Variants in PPP4R3B observed in about 807,000 individuals in gnomAD.
The protein encoded by PPP4R3B is protein phosphatase 4 regulatory subunit 3B.
In PPP4R3B, 52 loss-of-function variants were observed where a neutral mutation model predicts 95.4. The observed-to-expected ratio is 0.54, with a 90% CI of 0.44 to 0.69. The LOEUF is 0.69. Among genes scored for constraint, PPP4R3B ranks in the 30% least tolerant of loss-of-function variants. The pLI is 0.00. For synonymous variants in PPP4R3B, 407 were observed against 343.9 expected (o/e 1.18, Z -2.03); for missense variants, 1,003 against 1,005.9 (o/e 1.00, Z 0.04).
intron 15 of PPP4R3B, among the ~76,000 whole-genome samples, chr2:55,560,613 C>T (rs1487403790): frequency 6.6e-6 from 1 of 151,602 alleles, no homozygotes; most frequent in Non-Finnish European, 1.5e-5. Flanking sequence ...CCTGTCTCTA[C>T]TAAAAATACA....
chr2:55,598,901 C>T lies in PPP4R3B; in HGVS notation c.436G>A (p.Ala146Thr), dbSNP rs2103667235. The T allele has an allele frequency of 6.2e-7, 1 of 1,614,158 alleles. No individual in the cohort carries two copies. The highest frequency in any genetic ancestry group is 2.2e-5 in the East Asian group (1 of 44,884). Reference protein sequence around the residue: ...TCELNKLEEIADLVTSVLSSP... With the variant: ...TCELNKLEEITDLVTSVLSSP... ...GAGAGCACTGAGGTAACTAAGTCAG[C>T]AATCTCTTCAAGTTTATTGAGTTCA... The change falls in exon 4 of 17, where the codon GCT (alanine) becomes ACT (threonine). Residue 146 changes from alanine to threonine, a missense_variant. This residue lies in a region of PPP4R3B where 695 missense variants were observed against 686.2 expected (regional missense o/e 1.01). Transcript: ENST00000616407.
intron 3 of PPP4R3B, 113 bp downstream of exon 3, chr2:55,603,865 G>A (rs1693013521): frequency 3.4e-6 from 2 of 584,480 alleles, no homozygotes; most frequent in South Asian, 3.7e-5. Flanking sequence ...AGATTATCAA[G>A]TCTCACATTA....
At chr2:55,586,007 A>C (rs1398697570) in intron 6 of PPP4R3B, among the ~76,000 whole-genome samples, 1 of 152,176 alleles carries the variant, frequency 6.6e-6, no homozygotes, top group Non-Finnish European at 1.5e-5. Flanking sequence ...CCTTCTATAA[A>C]GCAAGGTACT....
intron 2 of PPP4R3B, chr2:55,614,448 C>T (rs1253981919): frequency 1.3e-5 from 2 of 152,040 alleles, no homozygotes; most frequent in African/African-American, 2.4e-5. Context: ...TTAACATGAA[C>T]GAATATTCAA....
intron 7 of PPP4R3B, among the ~76,000 whole-genome samples, chr2:55,583,106 T>G (rs1358233238): frequency 6.6e-6 from 1 of 152,178 alleles, no homozygotes; most frequent in Non-Finnish European, 1.5e-5. Flanking sequence ...AATGTTTGAA[T>G]GCTGAGCATT....
intron 2 of PPP4R3B, among the ~76,000 whole-genome samples, chr2:55,605,497 A>G (rs938203011): frequency 6.6e-6 from 1 of 152,202 alleles, no homozygotes; most frequent in African/African-American, 2.4e-5. Flanking sequence ...TTTTCTGTGT[A>G]ATCAGGTAAA....
In PPP4R3B at chr2:55,568,281, C is replaced by T. The variant is rs1687556252; in HGVS notation, c.1848G>A (p.Glu616=). 3 of 1,610,702 alleles carry T rather than the reference C, an allele frequency of 1.9e-6. No individual in the cohort carries two copies. Among genetic ancestry groups the T allele is most frequent in the Non-Finnish European group, 2.5e-6 (3 of 1,178,366 alleles). Residue 616 remains glutamate, a synonymous_variant, in exon 13 of 17, where the codon GAG becomes GAA. Coordinates refer to ENST00000616407, the MANE Select transcript of PPP4R3B (RefSeq NM_001122964.3). The part of the protein sequence containing the change: ...NRYITKGNLF[E]PVINALLDNG... ...TATCCAGAAGTGCATTTATAACTGG[C>T]TCAAAAAGATTTCCCTTGGTGATGT... is the stretch of plus-strand genomic sequence containing the variant.
chr2:55,572,782 G>C (rs1688174129), intron 12 of PPP4R3B, among the ~76,000 whole-genome samples: 1 of 152,180 alleles, frequency 6.6e-6, no homozygotes, highest in Non-Finnish European at 1.5e-5. Context: ...GAGATGTGGA[G>C]TGGCAAGAAA....
chr2:55,585,389 G>A (rs953824913), intron 6 of PPP4R3B, among the ~76,000 whole-genome samples: 1 of 152,024 alleles, frequency 6.6e-6, no homozygotes, highest in African/African-American at 2.4e-5. Context: ...TTTTACCACT[G>A]CAAATAAATA....
intron 9 of PPP4R3B, 92 bp from the exon 10 acceptor site, chr2:55,578,434 G>C (rs569302740): frequency 1.9e-5 from 22 of 1,139,374 alleles, no homozygotes; most frequent in Non-Finnish European, 2.3e-5. Context: ...TCTGTAAGCT[G>C]GAAGTGTTTT....
At chr2:55,586,495 TAATTC>T in intron 6 of PPP4R3B, 118 bp downstream of exon 6, 1 of 550,940 alleles carries the variant, frequency 1.8e-6, no homozygotes, top group Non-Finnish European at 3.1e-6. Flanking sequence ...GATATTCTTG[TAATTC>T]AATTAAGATA....
At chr2:55,581,175 C>G (rs550346111) in intron 8 of PPP4R3B, among the ~76,000 whole-genome samples, 1 of 152,124 alleles carries the variant, frequency 6.6e-6, no homozygotes, top group Non-Finnish European at 1.5e-5. Context: ...ATCGCTTGAA[C>G]CCGAGAGGCG....
chr2:55,564,494 T>C lies in PPP4R3B; in HGVS notation c.2079A>G (p.Val693=), dbSNP rs1247249253. 1.3e-6 allele frequency: 2 copies of C among 1,595,004 alleles called. No homozygotes were observed. Among genetic ancestry groups the C allele is most frequent in the African/African-American group, 2.7e-5 (2 of 73,756 alleles). Residue 693 remains valine, a synonymous_variant, in exon 15 of 17, where the codon GTA becomes GTG. Transcript: ENST00000616407. Reference sequence around the variant, plus strand: ...ATCTGTTACTACGCAATATAGATGGTACACTGTAAGAAATATATCACAAAT... The same window carrying C: ...ATCTGTTACTACGCAATATAGATGGCACACTGTAAGAAATATATCACAAAT... ...KDRQNQKLNS[V]PSILRSNRFR...
At chr2:55,601,240 G>C (rs1321309547) in intron 3 of PPP4R3B, among the ~76,000 whole-genome samples, 1 of 151,806 alleles carries the variant, frequency 6.6e-6, no homozygotes, top group African/African-American at 2.4e-5. Context: ...GCCTGGAAGG[G>C]TTAAGCAATA....
In PPP4R3B at chr2:55,598,472, A is replaced by G. The variant is rs1287147999; in HGVS notation, c.865T>C (p.Ser289Pro). 3 of 1,614,178 alleles carry G rather than the reference A, an allele frequency of 1.9e-6. No homozygotes were observed. The highest frequency in any genetic ancestry group is 1.1e-5 in the South Asian group (1 of 91,078). ...AAGAAAATAAAAGACGTAAGAGTAG[A>G]AAGAAAATTCTCTTCAAAAACAGAT... ...TPSVFEENFL[S>P]TLTSFIFFNK... The change falls in exon 4 of 17, where the codon TCT (serine) becomes CCT (proline). Residue 289 changes from serine to proline, a missense_variant. This residue lies in a region of PPP4R3B where 695 missense variants were observed against 686.2 expected (regional missense o/e 1.01). Coordinates refer to ENST00000616407, the MANE Select transcript of PPP4R3B (RefSeq NM_001122964.3).
chr2:55,616,979 T>G (rs1267786890), intron 1 of PPP4R3B, among the ~76,000 whole-genome samples, 165 bp downstream of exon 1: 1 of 152,074 alleles, frequency 6.6e-6, no homozygotes, highest in East Asian at 1.9e-4. Flanking sequence ...CGAGGATAAG[T>G]CCAGTCAAAA....
chr2:55,549,120 T>C lies in PPP4R3B; in HGVS notation c.*791A>G, dbSNP rs1183739816. 2.0e-5 allele frequency: 3 copies of C among 152,396 alleles called. No homozygotes were observed. The highest frequency in any genetic ancestry group is 1.9e-4 in the East Asian group (1 of 5,184). The allele number at this position is 152,396 out of a possible 1,614,324, so 9.4% of individuals were successfully genotyped here. A position where few individuals can be genotyped will look rare whatever the true frequency, so the allele number is the denominator to read the frequency against. On this transcript the variant is annotated 3_prime_UTR_variant, in exon 17 of 17. Transcript: ENST00000616407. Reference sequence around the variant, plus strand: ...ATTTCAAAGTATCTTCCACAAAAGATTGTACTGGTAGGCGGTTGACAACAT... The same window carrying C: ...ATTTCAAAGTATCTTCCACAAAAGACTGTACTGGTAGGCGGTTGACAACAT...
rs554886680 is a variant in PPP4R3B, at chr2:55,592,033, T to TA, written c.922-3078dup. ...TGTGTGGCTGCTTTTCTGGACAACATAAAAAAACACTGTGGGGAAAAAAAG... is the reference window on the plus strand; with the variant it reads ...TGTGTGGCTGCTTTTCTGGACAACATAAAAAAAACACTGTGGGGAAAAAAAG... On this transcript the variant is annotated intron_variant, in intron 4 of 16. Transcript: ENST00000616407. Among the ~76,000 whole-genome samples, 170 of 152,064 alleles carry TA rather than the reference T, an allele frequency of 1.1e-3. 1 individual carries two copies. Among genetic ancestry groups the TA allele is most frequent in the African/African-American group, 4.0e-3 (164 of 41,490 alleles).
At position 55,581,669 on chromosome 2, in the gene PPP4R3B, T is replaced by C; in HGVS notation, c.1263A>G (p.Glu421=). 1 of 1,613,192 alleles carries C rather than the reference T, an allele frequency of 6.2e-7. No homozygotes were observed. Among genetic ancestry groups the C allele is most frequent in the Non-Finnish European group, 8.5e-7 (1 of 1,179,648 alleles). ...CAGGATCAGTATCACAGATCATTTG[T>C]TCAATTACCACATTAATAAGAAGAA... The part of the protein sequence containing the change: ...DDILLINVVI[E]QMICDTDPEL... Residue 421 remains glutamate (E), a synonymous_variant, in exon 8 of 17, where the codon GAA becomes GAG. Coordinates refer to ENST00000616407, the MANE Select transcript of PPP4R3B (RefSeq NM_001122964.3).
Sources: allele counts gnomAD v4.1 joint callset (sites outside exome capture counted in the v4.1 genomes callset), GRCh38; gene constraint gnomAD v4.1.1; regional missense constraint gnomAD v4.1.1; transcripts MANE v1.5; gene names NCBI Gene and HGNC (gene_info 2026-07-23, HGNC 2026-07-21).